The following SUGT1 variants were observed in gnomAD, a reference collection of about 807,000 sequenced individuals.
The protein encoded by SUGT1 is SGT1 assembly cochaperone of MIS12 kinetochore complex.
In SUGT1, 15 loss-of-function variants were observed where a neutral mutation model predicts 56.1. The observed-to-expected ratio is 0.27, with a 90% CI of 0.18 to 0.41. The LOEUF (loss-of-function observed/expected upper bound fraction) is 0.41, where lower values mean the gene tolerates loss of function less well. Ranked by LOEUF, SUGT1 falls within the 10% of genes least tolerant of loss-of-function variation. The pLI is 1.00. For missense variants in SUGT1, 347 were observed against 382.2 expected (o/e 0.91, Z 0.77); for synonymous variants, 123 against 128.6 (o/e 0.96, Z 0.30).
chr13:52,653,164 C>G, intron 2 of SUGT1, 61 bp downstream of exon 2: 1 of 1,595,804 alleles, frequency 6.3e-7, no homozygotes, highest in South Asian at 1.1e-5. Context: ...ACTTCGGGTC[C>G]CCGCTGACCC....
chr13:52,676,078 T>G (rs912830570), intron 10 of SUGT1, 152 bp from the exon 11 acceptor site: 1 of 547,690 alleles, frequency 1.8e-6, no homozygotes, highest in Non-Finnish European at 3.1e-6. Flanking sequence ...ACAAAATTGT[T>G]TCATAGTTTT....
At chr13:52,667,569 C>G in intron 10 of SUGT1, among the ~76,000 whole-genome samples, 1 of 41,584 alleles carries the variant, frequency 2.4e-5, no homozygotes, top group Non-Finnish European at 4.4e-5. Context: ...AGGTCTCCAA[C>G]TCCTGACTTT....
At chr13:52,661,762 A>G (rs905781833) in intron 5 of SUGT1, among the ~76,000 whole-genome samples, 1 of 152,218 alleles carries the variant, frequency 6.6e-6, no homozygotes, top group African/African-American at 2.4e-5. Flanking sequence ...TTTTGATACA[A>G]TAGTTCTCTA....
At chr13:52,662,238 G>A (rs74088607) in intron 5 of SUGT1, among the ~76,000 whole-genome samples, 2,095 of 152,144 alleles carry the variant, frequency 0.014, 47 homozygotes, top group African/African-American at 0.049. Flanking sequence ...GGCTGGGAAC[G>A]GCTTTTGAAC....
At position 52,676,313 on chromosome 13, in the gene SUGT1, C is replaced by A; in HGVS notation, c.711C>A (p.Phe237Leu). ...GAGATGTGCCTACGCCAAAACAATT[C>A]GTAGCAGGTTTGTTTTCTGGCCTTG... ...GQGDVPTPKQ[F>L]VADVKNLYPS... is the part of the protein sequence containing the mutation. Residue 237 changes from phenylalanine (F) to leucine (L), a missense_variant, in exon 11 of 13, where the codon TTC becomes TTA. Transcript: ENST00000310528. 6.2e-7 allele frequency: 1 copy of A among 1,610,792 alleles called. No homozygotes were observed. The highest frequency in any genetic ancestry group is 8.5e-7 in the Non-Finnish European group (1 of 1,178,506).
At chr13:52,653,145 A>T (rs1213692750) in intron 2 of SUGT1, 42 bp downstream of exon 2, 3 of 1,612,320 alleles carry the variant, frequency 1.9e-6, no homozygotes, top group Non-Finnish European at 2.5e-6. Context: ...TTCTTAGGGG[A>T]GCTGGGCCAC....
chr13:52,675,631 G>C (rs1963110640), intron 10 of SUGT1, among the ~76,000 whole-genome samples: 1 of 152,132 alleles, frequency 6.6e-6, no homozygotes, highest in South Asian at 2.1e-4. Flanking sequence ...TCTCATAGTA[G>C]GTGCTTAGTA....
intron 12 of SUGT1, among the ~76,000 whole-genome samples, chr13:52,682,159 T>G (rs1156962105): frequency 6.6e-6 from 1 of 152,184 alleles, no homozygotes; most frequent in Non-Finnish European, 1.5e-5. Flanking sequence ...GACTCTCTCC[T>G]ATTTAAAAAA....
intron 12 of SUGT1, among the ~76,000 whole-genome samples, chr13:52,680,582 T>G (rs904806081): frequency 2.0e-5 from 3 of 152,180 alleles, no homozygotes; most frequent in Non-Finnish European, 4.4e-5. Context: ...TTAAGAAAAT[T>G]CAGGCTTTTT....
At position 52,695,666 on chromosome 13, in the gene SUGT1, A is replaced by G. The variant is rs1227678597; in HGVS notation, c.*7831A>G. 2.6e-5 allele frequency: 4 copies of G among 152,136 alleles called. No homozygotes were observed. The highest frequency in any genetic ancestry group is 9.7e-5 in the African/African-American group (4 of 41,422). 9.4% of individuals were successfully genotyped at this position (152,136 alleles called of 1,614,324 possible). On this transcript the variant is annotated 3_prime_UTR_variant, in exon 13 of 13. Transcript: ENST00000310528. ...GTTTTCAGAATTCAACCCCAGCCAA[A>G]ATTTTTGGCCACATCTCTTGTCACT...
intron 12 of SUGT1, among the ~76,000 whole-genome samples, chr13:52,684,930 G>A (rs562314797): frequency 6.7e-6 from 1 of 148,750 alleles, no homozygotes; most frequent in South Asian, 2.1e-4. Flanking sequence ...TTCCTTGTTT[G>A]TGCCCCTTGG....
chr13:52,678,032 T>C (rs976695202), intron 11 of SUGT1, among the ~76,000 whole-genome samples: 21 of 152,206 alleles, frequency 1.4e-4, no homozygotes, highest in African/African-American at 4.3e-4. Context: ...AGCTGGAGAC[T>C]GTAGATAAGG....
chr13:52,668,087 A>G (rs911308246), intron 10 of SUGT1, among the ~76,000 whole-genome samples: 1 of 151,446 alleles, frequency 6.6e-6, no homozygotes, highest in Non-Finnish European at 1.5e-5. Flanking sequence ...GGTTCAAGTG[A>G]TTCTCCTGCC....
At chr13:52,662,540 C>CGAAA in intron 5 of SUGT1, 109 bp from the exon 6 acceptor site, 3 of 1,041,476 alleles carry the variant, frequency 2.9e-6, no homozygotes, top group South Asian at 1.7e-5. Flanking sequence ...TCGCTGCCGA[C>CGAAA]TCCCCAGTGC....
chr13:52,658,498 T>C (rs1962270388), intron 4 of SUGT1, 30 bp downstream of exon 4: 3 of 1,586,692 alleles, frequency 1.9e-6, no homozygotes, highest in South Asian at 1.2e-5. Flanking sequence ...CTTGTTGAGC[T>C]TGGTATAGAT....
Position 52,658,422 on chromosome 13 carries a change from T to G in SUGT1, c.211T>G (p.Ser71Ala), listed in dbSNP as rs748518452. 3.1e-6 allele frequency: 5 copies of G among 1,612,810 alleles called. No homozygotes were observed. In the African/African-American group the frequency reaches 6.7e-5, roughly 22 times the overall value. Residue 71 changes from serine (S) to alanine (A), a missense_variant, in exon 4 of 13, where the codon TCT (serine) becomes GCT (alanine). Coordinates refer to ENST00000310528, the MANE Select transcript of SUGT1 (RefSeq NM_006704.5). ...YCVAVADAKK[S>A]LELNPNNSTA... ...AGTTGCTGTTGCTGATGCAAAGAAG[T>G]CTCTAGAACTCAATCCAAATAATTC...
At chr13:52,679,166 T>A (rs1963266859) in intron 11 of SUGT1, among the ~76,000 whole-genome samples, 1 of 152,216 alleles carries the variant, frequency 6.6e-6, no homozygotes, top group Admixed American at 6.5e-5. Flanking sequence ...GAGCTGCTCC[T>A]ATAGCTACTA....
chr13:52,682,998 A>AT (rs1963436373), intron 12 of SUGT1, among the ~76,000 whole-genome samples: 1 of 152,062 alleles, frequency 6.6e-6, no homozygotes, highest in East Asian at 1.9e-4. Flanking sequence ...ATAGATTGTC[A>AT]TTTTTTTAAT....
chr13:52,658,156 T>A, intron 3 of SUGT1: 16 of 1,427,976 alleles, frequency 1.1e-5, no homozygotes, highest in Admixed American at 2.6e-5. Flanking sequence ...GACAAGGAGG[T>A]GAATTTTGTG....
Sources: allele counts gnomAD v4.1 joint callset (sites outside exome capture counted in the v4.1 genomes callset), GRCh38; gene constraint gnomAD v4.1.1; transcripts MANE v1.5; gene names NCBI Gene and HGNC (gene_info 2026-07-23, HGNC 2026-07-21).